Variants in FIGN observed in about 807,000 individuals in gnomAD.
FIGN encodes fidgetin.
FIGN carries 11 observed loss-of-function variants against 51.3 expected under a neutral mutation model. The observed-to-expected ratio is 0.21, with a 90% CI of 0.13 to 0.35. The LOEUF is 0.35. FIGN is among the 10% of genes least tolerant of loss of function. The pLI is 1.00. For synonymous variants in FIGN, 407 were observed against 363.2 expected (o/e 1.12, Z -1.37); for missense variants, 857 against 943.6 (o/e 0.91, Z 1.20).
intron 2 of FIGN, among the ~76,000 whole-genome samples, chr2:163,721,639 A>G (rs1291464903): frequency 6.6e-6 from 1 of 152,170 alleles, no homozygotes; most frequent in African/African-American, 2.4e-5. Flanking sequence ...CTTTGTAATG[A>G]TTCAGGTTCA....
intron 2 of FIGN, among the ~76,000 whole-genome samples, chr2:163,733,859 T>A (rs532248192): frequency 6.6e-6 from 1 of 152,050 alleles, no homozygotes; most frequent in East Asian, 1.9e-4. Flanking sequence ...GCCCCACTGT[T>A]ATTTCTTTTT....
chr2:163,643,739 A>G, intron 2 of FIGN, among the ~76,000 whole-genome samples: 1 of 151,206 alleles, frequency 6.6e-6, no homozygotes, highest in Non-Finnish European at 1.5e-5. Flanking sequence ...GGATCACCTG[A>G]AGTCAGGAGT....
chr2:163,666,442 G>A (rs78222827), intron 2 of FIGN, among the ~76,000 whole-genome samples: 5,255 of 152,184 alleles, frequency 0.035, 141 homozygotes, highest in East Asian at 0.099. Context: ...GGAATAATAC[G>A]GACCATTACA....
At chr2:163,669,717 CAA>C (rs1454305524) in intron 2 of FIGN, among the ~76,000 whole-genome samples, 1 of 152,126 alleles carries the variant, frequency 6.6e-6, no homozygotes, top group Non-Finnish European at 1.5e-5. Flanking sequence ...AAAGAGATGA[CAA>C]AGAGTTCACA....
chr2:163,702,212 G>C (rs971362477), intron 2 of FIGN, among the ~76,000 whole-genome samples: 1 of 152,060 alleles, frequency 6.6e-6, no homozygotes, highest in Non-Finnish European at 1.5e-5. Context: ...CCTGTACCTA[G>C]TTTTGCATTT....
chr2:163,636,089 T>C (rs1284503503), intron 2 of FIGN, among the ~76,000 whole-genome samples: 2 of 152,192 alleles, frequency 1.3e-5, no homozygotes, highest in Non-Finnish European at 2.9e-5. Flanking sequence ...GTTACAATGA[T>C]GACATAGATT....
intron 2 of FIGN, among the ~76,000 whole-genome samples, chr2:163,727,952 T>C (rs1487293767): frequency 6.6e-6 from 1 of 152,230 alleles, no homozygotes; most frequent in African/African-American, 2.4e-5. Context: ...AGGAGTCATA[T>C]GACTCTAATT....
At chr2:163,691,913 C>T (rs1222103939) in intron 2 of FIGN, among the ~76,000 whole-genome samples, 5 of 152,060 alleles carry the variant, frequency 3.3e-5, no homozygotes, top group Admixed American at 3.3e-4. Context: ...AAGTTTCTTC[C>T]CAAGGATTCT....
rs886366327 is a variant in FIGN, at chr2:163,735,221, G to A, written c.-145-149C>T. On this transcript the variant is annotated intron_variant, in intron 1 of 2. Transcript: ENST00000333129. Reference sequence around the variant, plus strand: ...TCCCATTGAAACTAACAAGAGCTCCGGGGAGGACGGTAATAGGATCAGTGG... The same window carrying A: ...TCCCATTGAAACTAACAAGAGCTCCAGGGAGGACGGTAATAGGATCAGTGG... 7.8e-5 allele frequency: 34 copies of A among 438,314 alleles called. No individual in the cohort carries two copies. The South Asian group carries it at 9.6e-4, about 12-fold the overall frequency. 27.2% of individuals were successfully genotyped at this position (438,314 alleles called of 1,614,324 possible).
intron 2 of FIGN, among the ~76,000 whole-genome samples, chr2:163,722,272 A>G (rs994830585): frequency 5.9e-5 from 9 of 152,364 alleles, no homozygotes; most frequent in African/African-American, 2.2e-4. Flanking sequence ...ACTAGTTTGC[A>G]TCTCACATTT....
chr2:163,605,878 A>G lies in FIGN; in HGVS notation c.*3674T>C, dbSNP rs537863241. 8.7e-5 allele frequency: 13 copies of G among 149,802 alleles called. No homozygotes were observed. Among genetic ancestry groups the G allele is most frequent in the African/African-American group, 3.2e-4 (13 of 40,726 alleles). The allele number at this position is 149,802 out of a possible 1,614,324, so 9.3% of individuals were successfully genotyped here. A position where few individuals can be genotyped will look rare whatever the true frequency, so the allele number is the denominator to read the frequency against. On this transcript the variant is annotated 3_prime_UTR_variant, in exon 3 of 3. Transcript: ENST00000333129. ...AATATATTTAAATTTACAAAGACCT[A>G]TTATAGGAACTAATTTGGATTTTTT...
At chr2:163,706,501 T>C (rs1200937356) in intron 2 of FIGN, among the ~76,000 whole-genome samples, 1 of 152,156 alleles carries the variant, frequency 6.6e-6, no homozygotes. Flanking sequence ...TATTAATATA[T>C]CATAAAATAA....
At chr2:163,696,051 C>T (rs1385655038) in intron 2 of FIGN, among the ~76,000 whole-genome samples, 2 of 151,938 alleles carry the variant, frequency 1.3e-5, no homozygotes, top group Admixed American at 6.6e-5. Flanking sequence ...GTGGAGGTTG[C>T]GGTGAGCCAA....
chr2:163,610,252 G>A lies in FIGN; in HGVS notation c.1580C>T (p.Pro527Leu). ...CAATAATGTTTTGCCTGTCCCCCGA[G>A]GTCCAAATAAAAGGATGCTCCGAGG... ...ALPRSILLFG[P>L]RGTGKTLLGR... The change falls in exon 3 of 3, where the codon CCT (proline) becomes CTT (leucine). Residue 527 changes from proline (P) to leucine (L), a missense_variant. Physicochemically the swap from Pro to Leu is moderately conservative, Grantham distance 98. This residue lies in a region of FIGN where 799 missense variants were observed against 849.5 expected (regional missense o/e 0.94). Transcript: ENST00000333129. 6.2e-7 allele frequency: 1 copy of A among 1,614,074 alleles called. No individual in the cohort carries two copies. Among genetic ancestry groups the A allele is most frequent in the Non-Finnish European group, 8.5e-7 (1 of 1,180,022 alleles).
At chr2:163,642,495 C>T (rs1683319749) in intron 2 of FIGN, among the ~76,000 whole-genome samples, 1 of 152,198 alleles carries the variant, frequency 6.6e-6, no homozygotes, top group African/African-American at 2.4e-5. Context: ...AAGAAACTTA[C>T]TCAAGGTATT....
chr2:163,641,873 A>G (rs1306257456), intron 2 of FIGN, among the ~76,000 whole-genome samples: 4 of 152,350 alleles, frequency 2.6e-5, no homozygotes, highest in South Asian at 4.1e-4. Flanking sequence ...AAAATCTAGT[A>G]AAGAAGTCTG....
chr2:163,673,663 A>C (rs1036799524), intron 2 of FIGN, among the ~76,000 whole-genome samples: 20 of 152,142 alleles, frequency 1.3e-4, no homozygotes, highest in African/African-American at 4.6e-4. Flanking sequence ...GCTCAGATGG[A>C]TTAAAACTAT....
intron 2 of FIGN, among the ~76,000 whole-genome samples, chr2:163,730,217 A>C (rs1004313768): frequency 6.6e-6 from 1 of 152,254 alleles, no homozygotes; most frequent in Non-Finnish European, 1.5e-5. Flanking sequence ...ACTTTTTAAA[A>C]TAAACATTTC....
At chr2:163,680,539 C>T (rs1470905470) in intron 2 of FIGN, among the ~76,000 whole-genome samples, 4 of 152,108 alleles carry the variant, frequency 2.6e-5, no homozygotes, top group East Asian at 1.9e-4. Flanking sequence ...CTGCCATCAC[C>T]CCCTCACCTG....
Sources: allele counts gnomAD v4.1 joint callset (sites outside exome capture counted in the v4.1 genomes callset), GRCh38; gene constraint gnomAD v4.1.1; regional missense constraint gnomAD v4.1.1; transcripts MANE v1.5; gene names NCBI Gene and HGNC (gene_info 2026-07-23, HGNC 2026-07-21).